The following PALS2 variants were observed in gnomAD, a reference collection of about 807,000 sequenced individuals.
The protein encoded by PALS2 is protein PALS2.
A neutral mutation model predicts 61.6 loss-of-function variants in PALS2; 27 were observed. The observed-to-expected ratio is 0.44, with a 90% CI of 0.32 to 0.60. PALS2 has a LOEUF of 0.60. Ranked by LOEUF, PALS2 falls within the 20% of genes least tolerant of loss-of-function variation. The probability of loss-of-function intolerance (pLI) is 0.05; values close to 1 mark genes in which losing one functional copy is unlikely to be tolerated. For missense variants in PALS2, 554 were observed against 639.4 expected (o/e 0.87, Z 1.44); for synonymous variants, 236 against 218.6 (o/e 1.08, Z -0.70).
intron 1 of PALS2, among the ~76,000 whole-genome samples, chr7:24,604,192 G>A (rs1783812337): frequency 7.7e-6 from 1 of 130,348 alleles, no homozygotes; most frequent in Non-Finnish European, 1.6e-5. Flanking sequence ...AGCCTGGGCA[G>A]TAAAGACCCT....
Position 24,693,916 on chromosome 7 carries a change from C to T in PALS2, c.*6302C>T, listed in dbSNP as rs1055762890. The T allele has an allele frequency of 3.3e-5, 5 of 151,716 alleles. No individual in the cohort carries two copies. The East Asian group carries it at 5.8e-4, about 18-fold the overall frequency. 9.4% of individuals were successfully genotyped at this position (151,716 alleles called of 1,614,324 possible). ...TCTTCCTTTTCCCCCCACGCCAGTT[C>T]GTTTTGGTAAGTCTTTTATTTGAAC... On this transcript the variant is annotated 3_prime_UTR_variant, in exon 12 of 12. Coordinates refer to ENST00000222644, the MANE Select transcript of PALS2 (RefSeq NM_001303037.2).
At chr7:24,605,235 G>A (rs79678010) in intron 1 of PALS2, among the ~76,000 whole-genome samples, 2,455 of 152,182 alleles carry the variant, frequency 0.016, 80 homozygotes, top group African/African-American at 0.057. Flanking sequence ...TGTGATATGG[G>A]CAATATTGTT....
intron 5 of PALS2, 193 bp from the exon 6 acceptor site, chr7:24,663,387 AGAAGAAGTTT>A (rs1786840533): frequency 2.5e-6 from 1 of 399,918 alleles, no homozygotes; most frequent in Non-Finnish European, 4.3e-6. Context: ...ATTAAAGTAG[AGAAGAAGTTT>A]TATTATCTTT....
Position 24,641,935 on chromosome 7 carries a change from G to T in PALS2, c.270+67G>T. 2.0e-6 allele frequency: 3 copies of T among 1,489,510 alleles called. No individual in the cohort carries two copies. In the South Asian group the frequency reaches 3.6e-5, roughly 18 times the overall value. The allele number at this position is 1,489,510 out of a possible 1,614,324, so 92.3% of individuals were successfully genotyped here. A position where few individuals can be genotyped will look rare whatever the true frequency, so the allele number is the denominator to read the frequency against. ...CCAAAGTATTCTCCTTTACTTTCCA[G>T]TTTAAGGTGATGTTTTCTTCAAAGA... On this transcript the variant is annotated intron_variant, in intron 3 of 11. Transcript: ENST00000222644.
At position 24,691,389 on chromosome 7, in the gene PALS2, A is replaced by ATGTGTGTGTTTGTGTGTGTG. The variant is rs1554318901; in HGVS notation, c.*3784_*3785insTTGTGTGTGTGTGTGTGTGT. 1 of 87,710 alleles carries ATGTGTGTGTTTGTGTGTGTG rather than the reference A, an allele frequency of 1.1e-5. No homozygotes were observed. The highest frequency in any genetic ancestry group is 4.5e-5 in the African/African-American group (1 of 22,368). 5.4% of individuals were successfully genotyped at this position (87,710 alleles called of 1,614,324 possible). On this transcript the variant is annotated 3_prime_UTR_variant, in exon 12 of 12. Coordinates refer to ENST00000222644, the MANE Select transcript of PALS2 (RefSeq NM_001303037.2). ...ATGTTCGAGTTGCCATATATTATGTATGTGTGTGTGTGTGTGTATATATAT... is the reference window on the plus strand; with the variant it reads ...ATGTTCGAGTTGCCATATATTATGTATGTGTGTGTTTGTGTGTGTGTGTGTGTGTGTGTGTGTATATATAT...
chr7:24,609,434 A>T (rs1327263660), intron 1 of PALS2, among the ~76,000 whole-genome samples: 3 of 152,174 alleles, frequency 2.0e-5, no homozygotes, highest in African/African-American at 4.8e-5. Context: ...TATTAGGGTA[A>T]GGCTTTGAGT....
chr7:24,601,264 G>C (rs1783710872), intron 1 of PALS2, among the ~76,000 whole-genome samples: 1 of 152,112 alleles, frequency 6.6e-6, no homozygotes. Flanking sequence ...AGATCCACTA[G>C]TAAATTGTAG....
intron 4 of PALS2, among the ~76,000 whole-genome samples, 183 bp from the exon 5 acceptor site, chr7:24,650,302 G>C (rs1786072783): frequency 6.6e-6 from 1 of 152,080 alleles, no homozygotes; most frequent in African/African-American, 2.4e-5. Context: ...CTATCCACTA[G>C]TGTAATAAAC....
chr7:24,680,451 G>A lies in PALS2; in HGVS notation c.1377G>A (p.Pro459=), dbSNP rs139735308. The change falls in exon 11 of 12, where the codon CCG becomes CCA. Residue 459 remains proline, a synonymous_variant. Coordinates refer to ENST00000222644, the MANE Select transcript of PALS2 (RefSeq NM_001303037.2). The part of the protein sequence containing the change: ...FMPYVVFIAA[P]ELETLRAMHK... ...CCTATGTGGTATTTATTGCGGCTCC[G>A]GAGCTAGAGACGTTACGTGCCATGC... 113 of 1,613,824 alleles carry A rather than the reference G, an allele frequency of 7.0e-5. No individual in the cohort carries two copies. Among genetic ancestry groups the A allele is most frequent in the Middle Eastern group, 1.6e-4 (1 of 6,082 alleles).
intron 2 of PALS2, among the ~76,000 whole-genome samples, chr7:24,625,484 A>G (rs1201944368): frequency 1.3e-5 from 2 of 152,238 alleles, no homozygotes; most frequent in Non-Finnish European, 2.9e-5. Flanking sequence ...GACTCAGTCA[A>G]TAAGTGTTGT....
intron 2 of PALS2, among the ~76,000 whole-genome samples, chr7:24,636,431 G>T (rs1785243072): frequency 6.6e-6 from 1 of 152,096 alleles, no homozygotes; most frequent in African/African-American, 2.4e-5. Flanking sequence ...GTGAAGTTGT[G>T]TGTCTTTTCA....
intron 1 of PALS2, among the ~76,000 whole-genome samples, chr7:24,610,625 T>C (rs947361143): frequency 6.6e-6 from 1 of 152,064 alleles, no homozygotes; most frequent in African/African-American, 2.4e-5. Context: ...TTTAATGTTT[T>C]AAGTGAACTC....
chr7:24,629,955 T>C (rs187138407), intron 2 of PALS2, among the ~76,000 whole-genome samples: 2 of 152,350 alleles, frequency 1.3e-5, no homozygotes, highest in African/African-American at 4.8e-5. Context: ...AAATACCATT[T>C]GACCCAGCAA....
chr7:24,636,227 A>C (rs1203376693), intron 2 of PALS2, among the ~76,000 whole-genome samples: 1 of 151,784 alleles, frequency 6.6e-6, no homozygotes, highest in East Asian at 1.9e-4. Context: ...AAAAAAAAAA[A>C]AAAAAAGTAT....
intron 2 of PALS2, among the ~76,000 whole-genome samples, chr7:24,638,220 T>C (rs1421187058): frequency 1.3e-5 from 2 of 151,870 alleles, no homozygotes; most frequent in Non-Finnish European, 2.9e-5. Context: ...AAAAGTAAAA[T>C]TGATCCCAGT....
chr7:24,665,382 A>G (rs1340047546), intron 6 of PALS2, among the ~76,000 whole-genome samples: 4 of 152,168 alleles, frequency 2.6e-5, no homozygotes, highest in African/African-American at 7.2e-5. Flanking sequence ...CTACCAGATG[A>G]CAGATATGAA....
intron 2 of PALS2, among the ~76,000 whole-genome samples, chr7:24,629,441 GATTAAAA>G (rs1784892961): frequency 6.6e-6 from 1 of 152,166 alleles, no homozygotes; most frequent in Non-Finnish European, 1.5e-5. Flanking sequence ...CAGACTTCAT[GATTAAAA>G]CACCAAATGC....
chr7:24,606,077 C>G (rs1408492893), intron 1 of PALS2, among the ~76,000 whole-genome samples: 3 of 152,084 alleles, frequency 2.0e-5, no homozygotes, highest in Non-Finnish European at 4.4e-5. Context: ...GGATTTCTTT[C>G]CTAGTAGTAA....
At chr7:24,661,398 T>C (rs1786713360) in intron 5 of PALS2, among the ~76,000 whole-genome samples, 1 of 152,192 alleles carries the variant, frequency 6.6e-6, no homozygotes, top group African/African-American at 2.4e-5. Flanking sequence ...ATTCCACAGA[T>C]AATGGCATTT....
Sources: gnomAD v4.1 joint callset for allele counts (sites outside exome capture counted in the v4.1 genomes callset) on GRCh38, gnomAD v4.1.1 for gene constraint, MANE v1.5 for transcripts, NCBI Gene and HGNC (gene_info 2026-07-23, HGNC 2026-07-21) for gene names.